SYT16: variants seen among roughly 807,000 people sequenced by gnomAD.
SYT16 encodes synaptotagmin-16.
A neutral mutation model predicts 61.4 loss-of-function variants in SYT16; 42 were observed. The ratio of observed to expected loss-of-function variants is 0.68; its 90% CI spans 0.53 to 0.89. SYT16 has a LOEUF of 0.89. SYT16 is among the 40% of genes least tolerant of loss of function. The pLI is 0.00. For missense variants in SYT16, 804 were observed against 807.3 expected, an observed-to-expected ratio of 1.00 and a Z score of 0.05; for synonymous variants, 314 against 302.3, an observed-to-expected ratio of 1.04 and a Z score of -0.40.
intron 1 of SYT16, among the ~76,000 whole-genome samples, chr14:61,919,020 TAA>T (rs2049228959): frequency 6.6e-6 from 1 of 152,216 alleles, no homozygotes; most frequent in Admixed American, 6.5e-5. Flanking sequence ...GGTGCAGTCT[TAA>T]AAGTTCCTGA....
At chr14:61,977,506 A>G (rs930729519) in intron 2 of SYT16, among the ~76,000 whole-genome samples, 3 of 152,160 alleles carry the variant, frequency 2.0e-5, no homozygotes, top group African/African-American at 7.2e-5. Context: ...CAAAGGGGGA[A>G]TAGCTCCTTA....
chr14:61,923,864 C>T (rs1346258866), intron 1 of SYT16, among the ~76,000 whole-genome samples: 1 of 152,082 alleles, frequency 6.6e-6, no homozygotes, highest in Non-Finnish European at 1.5e-5. Context: ...CCCTTCAAAA[C>T]CATGTTGACA....
At position 61,832,717 on chromosome 14, in the gene SYT16, C is replaced by A. The variant is rs550162290; in HGVS notation, c.-325+19907C>A. On this transcript the variant is annotated intron_variant, in intron 1 of 7. Coordinates refer to ENST00000683842, the MANE Select transcript of SYT16 (RefSeq NM_001367656.1). The stretch of plus-strand genomic sequence containing the variant: ...CCTCTCAAGGTGTTAGGATTACATG[C>A]GTGAGCCACCGTGCCCGGCCCAGCC... 1.1e-4 allele frequency among the ~76,000 whole-genome samples: 16 copies of A among 152,274 alleles called. No homozygotes were observed. In the East Asian group the frequency reaches 1.4e-3, roughly 13 times the overall value.
At chr14:61,945,689 A>C (rs1401945469) in intron 1 of SYT16, among the ~76,000 whole-genome samples, 2 of 151,840 alleles carry the variant, frequency 1.3e-5, no homozygotes, top group Non-Finnish European at 2.9e-5. Flanking sequence ...CCCCGTCTCT[A>C]CTAAAAAATA....
At chr14:62,015,038 C>A (rs1305900003) in intron 3 of SYT16, among the ~76,000 whole-genome samples, 4 of 152,222 alleles carry the variant, frequency 2.6e-5, no homozygotes, top group Admixed American at 2.6e-4. Context: ...AGGAAGCCTT[C>A]CTTGTCTTCT....
intron 1 of SYT16, among the ~76,000 whole-genome samples, chr14:61,916,972 T>C (rs1385216673): frequency 6.6e-6 from 1 of 152,244 alleles, no homozygotes; most frequent in African/African-American, 2.4e-5. Flanking sequence ...TGACACATTT[T>C]CTTTATCCAG....
intron 1 of SYT16, among the ~76,000 whole-genome samples, chr14:61,943,431 A>T (rs2050288268): frequency 6.6e-6 from 1 of 152,226 alleles, no homozygotes; most frequent in African/African-American, 2.4e-5. Flanking sequence ...TAAAACAAAA[A>T]AAGAAAATTT....
chr14:62,063,738 C>G (rs539585189), intron 3 of SYT16, among the ~76,000 whole-genome samples: 1 of 108,704 alleles, frequency 9.2e-6, no homozygotes, highest in Non-Finnish European at 2.1e-5. Context: ...GAGAGGAACA[C>G]TCTGGCTTCA....
chr14:61,942,503 G>A (rs2050248220), intron 1 of SYT16, among the ~76,000 whole-genome samples: 1 of 152,162 alleles, frequency 6.6e-6, no homozygotes, highest in Non-Finnish European at 1.5e-5. Context: ...AGTTTAGCTT[G>A]GAGAGATGTC....
chr14:61,876,819 G>C lies in SYT16; in HGVS notation c.-325+64009G>C, dbSNP rs559428940. On this transcript the variant is annotated intron_variant, in intron 1 of 7. Transcript: ENST00000683842. Reference sequence around the variant, plus strand: ...AGGAAGCAGGGGCTGAGCCGTAAAGGAAACAGGGAATTCAATTATTCCAGC... The same window carrying C: ...AGGAAGCAGGGGCTGAGCCGTAAAGCAAACAGGGAATTCAATTATTCCAGC... Among the ~76,000 whole-genome samples the C allele has an allele frequency of 8.6e-4, 131 of 152,288 alleles. 4 individuals carry two copies. In the South Asian group the frequency reaches 0.025, roughly 29 times the overall value.
intron 2 of SYT16, among the ~76,000 whole-genome samples, chr14:61,992,555 C>T (rs1595100463): frequency 6.6e-6 from 1 of 152,120 alleles, no homozygotes; most frequent in East Asian, 1.9e-4. Flanking sequence ...CCCAGTGATA[C>T]AGCAATTAAA....
chr14:61,923,062 A>AAT (rs1474095690), intron 1 of SYT16, among the ~76,000 whole-genome samples: 1 of 152,148 alleles, frequency 6.6e-6, no homozygotes, highest in African/African-American at 2.4e-5. Flanking sequence ...AAAAAAAAAA[A>AAT]AAAAATGAAG....
chr14:62,047,289 G>A (rs1211374115), intron 3 of SYT16, among the ~76,000 whole-genome samples: 2 of 152,190 alleles, frequency 1.3e-5, no homozygotes, highest in Non-Finnish European at 2.9e-5. Context: ...TGTTATTGGT[G>A]TATAAGAATG....
intron 2 of SYT16, among the ~76,000 whole-genome samples, chr14:61,993,727 G>T (rs1252161613): frequency 6.6e-6 from 1 of 152,100 alleles, no homozygotes; most frequent in African/African-American, 2.4e-5. Flanking sequence ...TTGTTACTAT[G>T]CAGGGAACTT....
At chr14:62,020,079 A>G (rs570824491) in intron 3 of SYT16, among the ~76,000 whole-genome samples, 1 of 152,290 alleles carries the variant, frequency 6.6e-6, no homozygotes, top group South Asian at 2.1e-4. Context: ...TATCTGGGTC[A>G]CTTCATAAAT....
rs1404444063 is a variant in SYT16, at chr14:62,111,227, G to T, written c.*10520G>T. On this transcript the variant is annotated 3_prime_UTR_variant, in exon 8 of 8. Coordinates refer to ENST00000683842, the MANE Select transcript of SYT16 (RefSeq NM_001367656.1). Reference sequence around the variant, plus strand: ...GGTTTTCCTTTATATCTCAACTTTTGATGGGTGTCCTTGAAGAACTTTCAT... The same window carrying T: ...GGTTTTCCTTTATATCTCAACTTTTTATGGGTGTCCTTGAAGAACTTTCAT... 1 of 151,844 alleles carries T rather than the reference G, an allele frequency of 6.6e-6. No homozygotes were observed. Among genetic ancestry groups the T allele is most frequent in the Non-Finnish European group, 1.5e-5 (1 of 67,890 alleles). The allele number at this position is 151,844 out of a possible 1,614,324, so 9.4% of individuals were successfully genotyped here. A position where few individuals can be genotyped will look rare whatever the true frequency, so the allele number is the denominator to read the frequency against.
At chr14:62,033,876 A>G (rs1001418044) in intron 3 of SYT16, among the ~76,000 whole-genome samples, 1 of 152,174 alleles carries the variant, frequency 6.6e-6, no homozygotes, top group Admixed American at 6.6e-5. Context: ...ATTGAAATTC[A>G]GAATTTTTGT....
chr14:62,064,830 G>A (rs2055989746), intron 3 of SYT16, among the ~76,000 whole-genome samples: 1 of 152,176 alleles, frequency 6.6e-6, no homozygotes, highest in African/African-American at 2.4e-5. Flanking sequence ...GTTAACATAT[G>A]TCAAGCAGTA....
Position 62,100,933 on chromosome 14 carries a change from A to G in SYT16, c.*226A>G, listed in dbSNP as rs2057404902. ...GTGAAGTGTCCGTATGGAAAATATT[A>G]TACCACAATTAAGACCACTGATGAG... is the stretch of plus-strand genomic sequence containing the variant. On this transcript the variant is annotated 3_prime_UTR_variant, in exon 8 of 8. Coordinates refer to ENST00000683842, the MANE Select transcript of SYT16 (RefSeq NM_001367656.1). 10 of 502,356 alleles carry G rather than the reference A, an allele frequency of 2.0e-5. No individual in the cohort carries two copies. Among genetic ancestry groups the G allele is most frequent in the Non-Finnish European group, 3.5e-5 (10 of 283,658 alleles). 31.1% of individuals were successfully genotyped at this position (502,356 alleles called of 1,614,324 possible). A position where few individuals can be genotyped will look rare whatever the true frequency, so the allele number is the denominator to read the frequency against.
Sources: gnomAD v4.1 joint callset for allele counts (sites outside exome capture counted in the v4.1 genomes callset) on GRCh38, gnomAD v4.1.1 for gene constraint, MANE v1.5 for transcripts, NCBI Gene and HGNC (gene_info 2026-07-23, HGNC 2026-07-21) for gene names.